NEGR1: variants seen among roughly 807,000 people sequenced by gnomAD.
The protein encoded by NEGR1 is IgLON family member 4.
In NEGR1, 10 loss-of-function variants were observed where a neutral mutation model predicts 40.9. The observed-to-expected ratio is 0.24, with a 90% confidence interval of 0.15 to 0.42. The LOEUF (loss-of-function observed/expected upper bound fraction) is 0.42. NEGR1 is among the 10% of genes least tolerant of loss of function. The pLI, the probability that NEGR1 is intolerant of heterozygous loss-of-function variation, is 1.00. For synonymous variants in NEGR1, 185 were observed against 166.8 expected, an observed-to-expected ratio of 1.11 and a Z score of -0.84; for missense variants, 352 against 438.9, an observed-to-expected ratio of 0.80 and a Z score of 1.77.
chr1:71,873,445 C>T (rs1206777788), intron 2 of NEGR1, among the ~76,000 whole-genome samples: 1 of 152,030 alleles, frequency 6.6e-6, no homozygotes, highest in Non-Finnish European at 1.5e-5. Context: ...TCCTGACCTG[C>T]AACTGGCTCG....
Position 71,836,565 on chromosome 1 carries a change from T to C in NEGR1, c.410-60268A>G, listed in dbSNP as rs112372047. Among the ~76,000 whole-genome samples, 451 of 151,768 alleles carry C rather than the reference T, an allele frequency of 3.0e-3. 3 individuals carry two copies. Among genetic ancestry groups the C allele is most frequent in the African/African-American group, 0.01 (435 of 41,466 alleles). ...GAAACAATGAAACCTGCTGGAACATTATTTCTTCCTGTGTATATCAAGACA... is the reference window on the plus strand; with the variant it reads ...GAAACAATGAAACCTGCTGGAACATCATTTCTTCCTGTGTATATCAAGACA... On this transcript the variant is annotated intron_variant, in intron 2 of 6. Coordinates refer to ENST00000357731, the MANE Select transcript of NEGR1 (RefSeq NM_173808.3).
At chr1:72,179,275 C>CT (rs146218365) in intron 1 of NEGR1, among the ~76,000 whole-genome samples, 1,996 of 151,718 alleles carry the variant, frequency 0.013, 35 homozygotes, top group African/African-American at 0.044. Context: ...TTCCCCATTG[C>CT]TTTTTTTTGT....
intron 1 of NEGR1, among the ~76,000 whole-genome samples, chr1:72,106,119 A>G (rs1462068430): frequency 6.6e-6 from 1 of 152,132 alleles, no homozygotes; most frequent in Admixed American, 6.6e-5. Flanking sequence ...AGGTAAGTAC[A>G]AGAAAATAAT....
intron 4 of NEGR1, among the ~76,000 whole-genome samples, chr1:71,642,415 A>C (rs1193875064): frequency 6.6e-6 from 1 of 151,762 alleles, no homozygotes; most frequent in Non-Finnish European, 1.5e-5. Context: ...GAGAAGAAGA[A>C]AAGGAAGAGT....
At chr1:71,681,265 T>G (rs1476468398) in intron 4 of NEGR1, among the ~76,000 whole-genome samples, 1 of 152,162 alleles carries the variant, frequency 6.6e-6, no homozygotes, top group African/African-American at 2.4e-5. Context: ...AATAAGAAAA[T>G]AAGATTTTGG....
At chr1:71,700,168 T>C (rs996707351) in intron 3 of NEGR1, among the ~76,000 whole-genome samples, 1 of 152,040 alleles carries the variant, frequency 6.6e-6, no homozygotes, top group Non-Finnish European at 1.5e-5. Flanking sequence ...TTTAAATTTT[T>C]ATTATTATGT....
At chr1:72,012,089 A>C (rs760734905) in intron 1 of NEGR1, among the ~76,000 whole-genome samples, 24 of 152,144 alleles carry the variant, frequency 1.6e-4, no homozygotes, top group Non-Finnish European at 3.1e-4. Flanking sequence ...GAACAATTAT[A>C]ATAAGTATAT....
chr1:72,006,479 C>T (rs564716482), intron 1 of NEGR1, among the ~76,000 whole-genome samples: 1 of 152,264 alleles, frequency 6.6e-6, no homozygotes, highest in South Asian at 2.1e-4. Flanking sequence ...AACCAACTGT[C>T]CTGCTCACAT....
At chr1:71,800,390 G>A (rs1312445984) in intron 2 of NEGR1, among the ~76,000 whole-genome samples, 2 of 152,110 alleles carry the variant, frequency 1.3e-5, no homozygotes, top group African/African-American at 4.8e-5. Context: ...TGTTGCCACT[G>A]CTATTGGTGT....
At chr1:71,693,026 G>GT (rs1269803438) in intron 4 of NEGR1, among the ~76,000 whole-genome samples, 2 of 151,476 alleles carry the variant, frequency 1.3e-5, no homozygotes, top group Non-Finnish European at 3.0e-5. Flanking sequence ...TTGGCTCTTT[G>GT]TTTTTTTCCA....
chr1:72,135,748 C>A (rs1002420567), intron 1 of NEGR1, among the ~76,000 whole-genome samples: 6 of 152,118 alleles, frequency 3.9e-5, no homozygotes, highest in Non-Finnish European at 8.8e-5. Context: ...ACTGATCAGT[C>A]CAGGAATTTC....
At chr1:71,727,841 T>C (rs1395233099) in intron 3 of NEGR1, among the ~76,000 whole-genome samples, 2 of 152,188 alleles carry the variant, frequency 1.3e-5, no homozygotes, top group East Asian at 1.9e-4. Context: ...AAGTGGAATA[T>C]TGAGTTTATG....
At chr1:72,197,753 A>G (rs1570109948) in intron 1 of NEGR1, among the ~76,000 whole-genome samples, 1 of 152,070 alleles carries the variant, frequency 6.6e-6, no homozygotes, top group African/African-American at 2.4e-5. Flanking sequence ...AAAATAGAAG[A>G]CCCTAGCAAA....
intron 1 of NEGR1, among the ~76,000 whole-genome samples, chr1:72,249,597 C>T (rs1175299406): frequency 1.3e-5 from 2 of 151,990 alleles, no homozygotes; most frequent in Non-Finnish European, 2.9e-5. Flanking sequence ...AAGCAAGTGA[C>T]AATTAAATAC....
At chr1:71,954,109 C>T (rs565577421) in intron 1 of NEGR1, among the ~76,000 whole-genome samples, 7 of 151,852 alleles carry the variant, frequency 4.6e-5, no homozygotes, top group African/African-American at 7.2e-5. Context: ...TCTTTATAGA[C>T]AGGAATCATT....
At chr1:72,171,386 C>A (rs938554076) in intron 1 of NEGR1, among the ~76,000 whole-genome samples, 1 of 152,098 alleles carries the variant, frequency 6.6e-6, no homozygotes. Context: ...TATCCCTTTG[C>A]CCTTTCTGGC....
At chr1:72,250,545 C>T (rs1218579763) in intron 1 of NEGR1, among the ~76,000 whole-genome samples, 1 of 151,984 alleles carries the variant, frequency 6.6e-6, no homozygotes, top group Non-Finnish European at 1.5e-5. Context: ...ATATGAAAAA[C>T]AATTAAGTCA....
At chr1:71,802,217 A>G (rs960732962) in intron 2 of NEGR1, among the ~76,000 whole-genome samples, 1 of 152,166 alleles carries the variant, frequency 6.6e-6, no homozygotes, top group African/African-American at 2.4e-5. Context: ...TTATTAACAG[A>G]AAAAAACCAG....
At chr1:71,433,867 A>G (rs544877259) in intron 6 of NEGR1, among the ~76,000 whole-genome samples, 3 of 152,328 alleles carry the variant, frequency 2.0e-5, no homozygotes, top group East Asian at 1.9e-4. Flanking sequence ...GTATTTCTCT[A>G]TGTTTCAAAA....
Sources: gnomAD v4.1 joint callset for allele counts (sites outside exome capture counted in the v4.1 genomes callset) on GRCh38, gnomAD v4.1.1 for gene constraint, MANE v1.5 for transcripts, NCBI Gene and HGNC (gene_info 2026-07-23, HGNC 2026-07-21) for gene names.